Variants in MRTFA observed in about 807,000 individuals in gnomAD.
MRTFA encodes myocardin-related transcription factor A.
A neutral mutation model predicts 83.5 loss-of-function variants in MRTFA; 20 were observed. The observed-to-expected ratio is 0.24, with a 90% CI of 0.17 to 0.35. The LOEUF is 0.35. Among genes scored for constraint, MRTFA ranks in the 10% least tolerant of loss-of-function variants. The pLI is 1.00. For synonymous variants in MRTFA, 659 were observed against 541.2 expected, an observed-to-expected ratio of 1.22 and a Z score of -3.02; for missense variants, 1,200 against 1,224.7, an observed-to-expected ratio of 0.98 and a Z score of 0.30.
At chr22:40,431,909 C>T (rs564301094) in intron 5 of MRTFA, among the ~76,000 whole-genome samples, 7 of 152,238 alleles carry the variant, frequency 4.6e-5, no homozygotes, top group Admixed American at 1.3e-4. Flanking sequence ...AACTTTGCAG[C>T]GCTGTAATCA....
chr22:40,418,633 G>A lies in MRTFA; in HGVS notation c.2105C>T (p.Ala702Val), dbSNP rs1463243637. The change falls in exon 12 of 15, where the codon GCG becomes GTG. Residue 702 changes from alanine (A) to valine (V), a missense_variant. This residue lies in a region of MRTFA where 1,107 missense variants were observed against 1,041.8 expected (regional missense o/e 1.06). Coordinates refer to ENST00000355630, the MANE Select transcript of MRTFA (RefSeq NM_020831.6). Reference sequence around the variant, plus strand: ...GTCTATGTGGTTGGTGGCTGGGGCCGCCAGGCTGGGGTTGAATGGGTGAGC... The same window carrying A: ...GTCTATGTGGTTGGTGGCTGGGGCCACCAGGCTGGGGTTGAATGGGTGAGC... 2.0e-6 allele frequency: 3 copies of A among 1,527,376 alleles called. No homozygotes were observed. Among genetic ancestry groups the A allele is most frequent in the East Asian group, 2.3e-5 (1 of 44,182 alleles). The allele number at this position is 1,527,376 out of a possible 1,614,324, so 94.6% of individuals were successfully genotyped here.
At chr22:40,596,577 G>A (rs1002409283) in intron 1 of MRTFA, among the ~76,000 whole-genome samples, 15 of 152,240 alleles carry the variant, frequency 9.9e-5, no homozygotes, top group African/African-American at 1.9e-4. Flanking sequence ...CAAGGCGGGC[G>A]GATCACTTGA....
At chr22:40,453,274 C>T (rs2053527305) in intron 4 of MRTFA, among the ~76,000 whole-genome samples, 1 of 152,200 alleles carries the variant, frequency 6.6e-6, no homozygotes, top group African/African-American at 2.4e-5. Flanking sequence ...GACACATCAT[C>T]TCACTAGGTA....
At chr22:40,532,453 C>T (rs919187323) in intron 3 of MRTFA, among the ~76,000 whole-genome samples, 4 of 152,156 alleles carry the variant, frequency 2.6e-5, no homozygotes, top group African/African-American at 9.7e-5. Flanking sequence ...CAGATAAGCA[C>T]ACTATCTTGT....
At chr22:40,619,784 G>A (rs1755019746) in intron 1 of MRTFA, among the ~76,000 whole-genome samples, 2 of 150,920 alleles carry the variant, frequency 1.3e-5, no homozygotes, top group South Asian at 4.2e-4. Flanking sequence ...CAGCTATTCA[G>A]GAGGCTGAGG....
At chr22:40,622,289 G>A (rs377759012) in intron 1 of MRTFA, among the ~76,000 whole-genome samples, 8 of 151,994 alleles carry the variant, frequency 5.3e-5, no homozygotes, top group East Asian at 1.9e-4. Flanking sequence ...AGACCAGCCC[G>A]GCCAAGATGG....
chr22:40,541,530 T>C (rs2055290439), intron 3 of MRTFA, among the ~76,000 whole-genome samples: 2 of 152,144 alleles, frequency 1.3e-5, no homozygotes, highest in African/African-American at 2.4e-5. Context: ...CTGAGGCAGC[T>C]TCCATTTCCT....
At chr22:40,635,127 C>G (rs552670602) in intron 1 of MRTFA, among the ~76,000 whole-genome samples, 1 of 152,124 alleles carries the variant, frequency 6.6e-6, no homozygotes, top group African/African-American at 2.4e-5. Context: ...CCCTTTGGTT[C>G]GCTATGAAAA....
chr22:40,500,325 T>G (rs2054439698), intron 3 of MRTFA, among the ~76,000 whole-genome samples: 1 of 130,116 alleles, frequency 7.7e-6, no homozygotes, highest in African/African-American at 2.6e-5. Context: ...TTCTTTTTTT[T>G]TGTTACAGTT....
At chr22:40,624,552 A>G (rs2056559698) in intron 1 of MRTFA, among the ~76,000 whole-genome samples, 1 of 152,194 alleles carries the variant, frequency 6.6e-6, no homozygotes, top group African/African-American at 2.4e-5. Context: ...ATCTCTAAAC[A>G]GTAGGGAAAC....
chr22:40,457,852 T>C (rs2053625082), intron 4 of MRTFA, among the ~76,000 whole-genome samples: 1 of 152,180 alleles, frequency 6.6e-6, no homozygotes, highest in Admixed American at 6.5e-5. Flanking sequence ...TTCTCTCACA[T>C]CCAGAAAGAA....
chr22:40,455,365 G>A (rs914825766), intron 4 of MRTFA, among the ~76,000 whole-genome samples: 20 of 151,694 alleles, frequency 1.3e-4, no homozygotes, highest in African/African-American at 7.3e-5. Flanking sequence ...ATCCCATGGC[G>A]GCCGGGTGCG....
chr22:40,513,494 G>C (rs1373528541), intron 3 of MRTFA, among the ~76,000 whole-genome samples: 2 of 151,592 alleles, frequency 1.3e-5, no homozygotes, highest in African/African-American at 4.8e-5. Flanking sequence ...CCAGCTATTT[G>C]GGAGGCTAAG....
At chr22:40,450,055 C>T (rs944504807) in intron 4 of MRTFA, among the ~76,000 whole-genome samples, 16 of 152,174 alleles carry the variant, frequency 1.1e-4, no homozygotes, top group African/African-American at 3.9e-4. Context: ...TTGGCTGTGT[C>T]ACTGGTATGT....
chr22:40,450,232 G>T (rs2053461518), intron 4 of MRTFA, among the ~76,000 whole-genome samples: 1 of 152,208 alleles, frequency 6.6e-6, no homozygotes, highest in Admixed American at 6.5e-5. Flanking sequence ...GGATGTGGAA[G>T]ATTCCCTATG....
At chr22:40,470,154 G>A (rs1264394290) in intron 3 of MRTFA, among the ~76,000 whole-genome samples, 1 of 146,270 alleles carries the variant, frequency 6.8e-6, no homozygotes, top group Non-Finnish European at 1.5e-5. Flanking sequence ...AACCCTGGAG[G>A]TGGATGTTGC....
intron 1 of MRTFA, among the ~76,000 whole-genome samples, chr22:40,615,999 ATT>A (rs1376427102): frequency 6.6e-6 from 1 of 152,124 alleles, no homozygotes; most frequent in Non-Finnish European, 1.5e-5. Flanking sequence ...TTTTCATTTA[ATT>A]ATTTCATTAA....
chr22:40,466,061 T>A (rs2053808095), intron 3 of MRTFA, among the ~76,000 whole-genome samples: 1 of 151,980 alleles, frequency 6.6e-6, no homozygotes, highest in Non-Finnish European at 1.5e-5. Flanking sequence ...ATAACAGGAG[T>A]GGAGTGTGAT....
intron 4 of MRTFA, among the ~76,000 whole-genome samples, chr22:40,457,477 A>G (rs189325003): frequency 6.2e-5 from 9 of 145,876 alleles, no homozygotes; most frequent in Non-Finnish European, 1.1e-4. Flanking sequence ...AAAGAAAGAA[A>G]GAAAGAAAGA....
Sources: gnomAD v4.1 joint callset for allele counts (sites outside exome capture counted in the v4.1 genomes callset) on GRCh38, gnomAD v4.1.1 for gene constraint, gnomAD v4.1.1 regional missense constraint, MANE v1.5 for transcripts, NCBI Gene and HGNC (gene_info 2026-07-23, HGNC 2026-07-21) for gene names.